COA8: variants seen among roughly 807,000 people sequenced by gnomAD.
COA8 encodes UPF0671 protein C14orf153.
In COA8, 20 loss-of-function variants were observed where a neutral mutation model predicts 22.0. That is an observed-to-expected ratio of 0.91 (90% confidence interval 0.64 to 1.32). The LOEUF (loss-of-function observed/expected upper bound fraction) is 1.32. COA8 is among the 40% of genes most tolerant of loss of function. The probability of loss-of-function intolerance (pLI) is 0.00; values close to 1 mark genes in which losing one functional copy is unlikely to be tolerated. For missense variants in COA8, 266 were observed against 230.0 expected (o/e 1.16, Z -1.01); for synonymous variants, 105 against 79.9 (o/e 1.31, Z -1.68).
chr14:103,577,218 C>G (rs1434479199), intron 3 of COA8, among the ~76,000 whole-genome samples: 1 of 151,844 alleles, frequency 6.6e-6, no homozygotes, highest in Non-Finnish European at 1.5e-5. Flanking sequence ...TATAGGCACC[C>G]GCCCCCACAC....
intron 1 of COA8, among the ~76,000 whole-genome samples, chr14:103,568,609 ATATGTGTGTGTG>A (rs1234214780): frequency 2.0e-5 from 2 of 98,412 alleles, no homozygotes; most frequent in Non-Finnish European, 3.9e-5. Context: ...ACGTATATAT[ATATGTGTGTGTG>A]TATATATATA....
At chr14:103,590,085 T>C (rs1415354470) in intron 4 of COA8, 96 bp from the exon 5 acceptor site, 1 of 980,362 alleles carries the variant, frequency 1.0e-6, no homozygotes, top group African/African-American at 1.6e-5. Flanking sequence ...GCCTGGTCAG[T>C]TGAACTCATC....
chr14:103,573,335 A>G (rs1470830782), intron 2 of COA8, among the ~76,000 whole-genome samples: 6 of 151,510 alleles, frequency 4.0e-5, no homozygotes, highest in Admixed American at 3.9e-4. Context: ...ACACCCGGCT[A>G]ATTTTTGTAT....
rs183849567 is a variant in COA8, at chr14:103,578,135, A to G, written c.385+3965A>G. Among the ~76,000 whole-genome samples, 25 of 151,968 alleles carry G rather than the reference A, an allele frequency of 1.6e-4. No homozygotes were observed. In the Middle Eastern group the frequency reaches 0.014, roughly 83 times the overall value. On this transcript the variant is annotated intron_variant, in intron 3 of 4. Coordinates refer to ENST00000409074, the MANE Select transcript of COA8 (RefSeq NM_001370595.2). ...CTTGAGCCCAGGGGGTGGAGGCTGCAGTGAGCCGAGATTGTGTCACTGCAC... is the reference window on the plus strand; with the variant it reads ...CTTGAGCCCAGGGGGTGGAGGCTGCGGTGAGCCGAGATTGTGTCACTGCAC...
At chr14:103,566,362 G>A (rs1595134843) in intron 1 of COA8, among the ~76,000 whole-genome samples, 1 of 152,224 alleles carries the variant, frequency 6.6e-6, no homozygotes, top group East Asian at 1.9e-4. Flanking sequence ...AGAGGTTGCA[G>A]TGAGCCGAGA....
intron 3 of COA8, among the ~76,000 whole-genome samples, chr14:103,575,650 C>G (rs2076225004): frequency 6.6e-6 from 1 of 152,182 alleles, no homozygotes; most frequent in South Asian, 2.1e-4. Context: ...GATTCGTTCT[C>G]TCTGCAATAC....
rs1273644581 is a variant in COA8, at chr14:103,571,716, C to G, written c.217C>G (p.Pro73Ala). The change falls in exon 2 of 5, where the codon CCT becomes GCT. Residue 73 changes from proline to alanine, a missense_variant. Physicochemically the swap from Pro to Ala is conservative, Grantham distance 27 (BLOSUM62 -1). Transcript: ENST00000409074. ...CCTTCGACCTGTTCACTTTTACATA[C>G]CTGAAAATGAATCTCCATTGGAACA... ...SNLRPVHFYI[P>A]ENESPLEQKL... 6.2e-7 allele frequency: 1 copy of G among 1,614,032 alleles called. No homozygotes were observed. Among genetic ancestry groups the G allele is most frequent in the South Asian group, 1.1e-5 (1 of 91,082 alleles).
intron 3 of COA8, among the ~76,000 whole-genome samples, chr14:103,586,907 T>C (rs938842826): frequency 6.6e-6 from 1 of 152,128 alleles, no homozygotes; most frequent in East Asian, 1.9e-4. Context: ...TTTCACCATG[T>C]TGGCCACGCT....
chr14:103,584,485 G>C (rs559033989), intron 3 of COA8, among the ~76,000 whole-genome samples: 1 of 152,078 alleles, frequency 6.6e-6, no homozygotes, highest in Non-Finnish European at 1.5e-5. Context: ...AGATTCTGAG[G>C]TTTTAGGAGC....
At chr14:103,570,088 C>A (rs1389439836) in intron 1 of COA8, among the ~76,000 whole-genome samples, 1 of 152,092 alleles carries the variant, frequency 6.6e-6, no homozygotes, top group Non-Finnish European at 1.5e-5. Context: ...AACTCCCGAC[C>A]TTAGGTGATC....
chr14:103,580,797 G>GTT (rs377472697), intron 3 of COA8, among the ~76,000 whole-genome samples: 18 of 122,556 alleles, frequency 1.5e-4, no homozygotes, highest in Admixed American at 2.5e-4. Flanking sequence ...TTGGCCTGTT[G>GTT]TTTTTTTTTT....
At chr14:103,584,545 C>T (rs992552311) in intron 3 of COA8, among the ~76,000 whole-genome samples, 2 of 152,088 alleles carry the variant, frequency 1.3e-5, no homozygotes, top group African/African-American at 2.4e-5. Context: ...TATAATGCCA[C>T]GTGGGTCTTA....
chr14:103,580,238 C>T (rs371164573), intron 3 of COA8, among the ~76,000 whole-genome samples: 23 of 150,158 alleles, frequency 1.5e-4, no homozygotes, highest in African/African-American at 3.2e-4. Flanking sequence ...CACCATGCCT[C>T]GCTAATTTAA....
Position 103,581,711 on chromosome 14 carries a change from A to G in COA8, c.386-5563A>G, listed in dbSNP as rs1335709741. The G allele has an allele frequency of 2.5e-6, 1 of 398,290 alleles. No individual in the cohort carries two copies. The highest frequency in any genetic ancestry group is 4.4e-6 in the Non-Finnish European group (1 of 225,990). 24.7% of individuals were successfully genotyped at this position (398,290 alleles called of 1,614,324 possible). On this transcript the variant is annotated intron_variant, in intron 3 of 4. Transcript: ENST00000409074. The surrounding 1 kb of genome is among the most constrained non-coding windows in gnomAD (Gnocchi z 4.1). ...GAAGTAGCCCCAGATGACGTAGGAAATGGCAGAACTGAAGGGAAAAGCAGA... is the reference window on the plus strand; with the variant it reads ...GAAGTAGCCCCAGATGACGTAGGAAGTGGCAGAACTGAAGGGAAAAGCAGA...
intron 3 of COA8, among the ~76,000 whole-genome samples, chr14:103,576,445 A>G (rs2076231211): frequency 6.6e-6 from 1 of 152,224 alleles, no homozygotes; most frequent in Non-Finnish European, 1.5e-5. Context: ...GAGGGTGAAG[A>G]CAGAGATATT....
intron 1 of COA8, chr14:103,567,647 A>T (rs997536974): frequency 6.5e-6 from 1 of 152,688 alleles, no homozygotes; most frequent in Non-Finnish European, 1.5e-5. Context: ...CGGCTTCCCA[A>T]GGTGCTGGGA....
intron 3 of COA8, among the ~76,000 whole-genome samples, chr14:103,576,886 G>A (rs758652945): frequency 1.3e-5 from 2 of 152,184 alleles, no homozygotes; most frequent in Non-Finnish European, 2.9e-5. Context: ...AGGATCAGAG[G>A]GCTGGGTAGG....
At chr14:103,570,211 T>G (rs556061670) in intron 1 of COA8, among the ~76,000 whole-genome samples, 4 of 152,294 alleles carry the variant, frequency 2.6e-5, no homozygotes, top group East Asian at 1.9e-4. Flanking sequence ...ATATAGTTTT[T>G]AGACTGATGG....
At chr14:103,588,201 T>G (rs1343550799) in intron 4 of COA8, 2 of 370,522 alleles carry the variant, frequency 5.4e-6, no homozygotes, top group Non-Finnish European at 4.7e-6. Flanking sequence ...TAATAGGACA[T>G]GATATCTGAG....
Sources: allele counts gnomAD v4.1 joint callset (sites outside exome capture counted in the v4.1 genomes callset), GRCh38; gene constraint gnomAD v4.1.1; non-coding constraint Gnocchi (gnomAD v3.1); transcripts MANE v1.5; gene names NCBI Gene and HGNC (gene_info 2026-07-23, HGNC 2026-07-21).